The following SLC66A2 variants were observed in gnomAD, a reference collection of about 807,000 sequenced individuals.
SLC66A2 encodes the protein solute carrier family 66 member 2.
Under a neutral mutation model 25.5 loss-of-function variants are expected in SLC66A2, and 23 were observed. That is an observed-to-expected ratio of 0.90 (90% CI 0.65 to 1.28). The LOEUF (loss-of-function observed/expected upper bound fraction) is 1.28, where lower values mean the gene tolerates loss of function less well. Ranked by LOEUF, SLC66A2 falls within the 50% of genes most tolerant of loss-of-function variation. The pLI, the probability that SLC66A2 is intolerant of heterozygous loss-of-function variation, is 0.00. For synonymous variants in SLC66A2, 193 were observed against 166.5 expected (o/e 1.16, Z -1.23); for missense variants, 396 against 373.1 (o/e 1.06, Z -0.51).
intron 5 of SLC66A2, among the ~76,000 whole-genome samples, chr18:79,912,473 A>C (rs11661195): frequency 0.33 from 50,843 of 152,062 alleles, 10,012 homozygotes; most frequent in East Asian, 0.51. Context: ...AGTGCAGGGA[A>C]AGACGCCAAG....
chr18:79,938,866 C>T (rs1399429781), intron 3 of SLC66A2, among the ~76,000 whole-genome samples: 7 of 152,046 alleles, frequency 4.6e-5, no homozygotes, highest in Non-Finnish European at 4.4e-5. Context: ...TTAGTAGAGA[C>T]GGGGTTTCAC....
intron 5 of SLC66A2, among the ~76,000 whole-genome samples, chr18:79,910,760 C>T (rs577180557): frequency 3.3e-5 from 5 of 152,314 alleles, no homozygotes; most frequent in African/African-American, 9.6e-5. Flanking sequence ...TATGGCTGGG[C>T]GTGTTCCAGT....
At chr18:79,942,322 C>T (rs1032822913) in intron 3 of SLC66A2, among the ~76,000 whole-genome samples, 3 of 152,174 alleles carry the variant, frequency 2.0e-5, no homozygotes, top group African/African-American at 7.2e-5. Context: ...GTGGCCCCAA[C>T]GACACTAACT....
chr18:79,934,132 A>G lies in SLC66A2; in HGVS notation c.338-110T>C, dbSNP rs960818865. ...CCAGAACTTTTTGCATTTCTTTAAA[A>G]AAAAAAAAACAAACCAGAATAGAAA... On this transcript the variant is annotated intron_variant, in intron 3 of 5. Transcript: ENST00000397778. 35 of 840,384 alleles carry G rather than the reference A, an allele frequency of 4.2e-5. No homozygotes were observed. The East Asian group carries it at 6.9e-4, about 17-fold the overall frequency. The allele number at this position is 840,384 out of a possible 1,614,324, so 52.1% of individuals were successfully genotyped here.
At position 79,937,881 on chromosome 18, in the gene SLC66A2, A is replaced by G. The variant is rs1987259355; in HGVS notation, c.338-3859T>C. Among the ~76,000 whole-genome samples the G allele has an allele frequency of 6.6e-6, 1 of 152,206 alleles. No homozygotes were observed. Among genetic ancestry groups the G allele is most frequent in the South Asian group, 2.1e-4 (1 of 4,836 alleles). On this transcript the variant is annotated intron_variant, in intron 3 of 5. Transcript: ENST00000397778. This position sits in a 1 kb window ranked among gnomAD's most constrained non-coding sequence, Gnocchi z 5.4. Reference sequence around the variant, plus strand: ...CAAAACTCAGCCTGCAGGAGTACTCAGCAATCTTGTTAAAAATGCAGGTGG... The same window carrying G: ...CAAAACTCAGCCTGCAGGAGTACTCGGCAATCTTGTTAAAAATGCAGGTGG...
At chr18:79,923,314 T>C (rs1230991040) in intron 4 of SLC66A2, among the ~76,000 whole-genome samples, 1 of 123,708 alleles carries the variant, frequency 8.1e-6, no homozygotes, top group Non-Finnish European at 1.7e-5. Context: ...GATGGGTGGA[T>C]GGTGGACGGG....
intron 5 of SLC66A2, among the ~76,000 whole-genome samples, chr18:79,906,777 A>G (rs1982183304): frequency 6.6e-6 from 1 of 152,162 alleles, no homozygotes; most frequent in African/African-American, 2.4e-5. Flanking sequence ...GGAGTCCCTA[A>G]GTGCAACTGG....
At chr18:79,933,500 ATC>A (rs1309975040) in intron 4 of SLC66A2, among the ~76,000 whole-genome samples, 1 of 152,264 alleles carries the variant, frequency 6.6e-6, no homozygotes, top group African/African-American at 2.4e-5. Context: ...TATATAGAGA[ATC>A]TACTAAACAA....
At chr18:79,915,187 C>T (rs1983809256) in intron 5 of SLC66A2, among the ~76,000 whole-genome samples, 1 of 152,184 alleles carries the variant, frequency 6.6e-6, no homozygotes, top group Non-Finnish European at 1.5e-5. Flanking sequence ...TTATGTGTTC[C>T]AGTGGGAAAA....
At position 79,917,509 on chromosome 18, in the gene SLC66A2, C is replaced by T. The variant is rs539702546; in HGVS notation, c.608+1675G>A. The stretch of plus-strand genomic sequence containing the variant: ...AGATCTCCAGGTCGCAAGCTCGGCA[C>T]GCGGGCACTGCCCACAGGATCTCCA... On this transcript the variant is annotated intron_variant, in intron 5 of 5. Coordinates refer to ENST00000397778, the MANE Select transcript of SLC66A2 (RefSeq NM_025078.5). The surrounding 1 kb of genome is among the most constrained non-coding windows in gnomAD (Gnocchi z 6.0). 2.0e-5 allele frequency among the ~76,000 whole-genome samples: 3 copies of T among 152,264 alleles called. No homozygotes were observed. The highest frequency in any genetic ancestry group is 1.9e-4 in the East Asian group (1 of 5,164).
intron 2 of SLC66A2, among the ~76,000 whole-genome samples, chr18:79,945,777 A>G (rs563856398): frequency 6.6e-6 from 1 of 152,346 alleles, no homozygotes; most frequent in African/African-American, 2.4e-5. Flanking sequence ...CCTCTGCACT[A>G]TAAAGCACGA....
chr18:79,922,919 G>A (rs1016279423), intron 4 of SLC66A2, among the ~76,000 whole-genome samples: 1 of 151,484 alleles, frequency 6.6e-6, no homozygotes, highest in African/African-American at 2.4e-5. Flanking sequence ...GCTGCCTGTG[G>A]GGCTGGCAGT....
In SLC66A2 at chr18:79,941,233, G is replaced by A. The variant is rs529965204; in HGVS notation, c.337+2096C>T. ...TCGGGGGCTCTGCTGCCTGTAAAGCGACGGCCGACCCATGGCAGAGAGCCA... is the reference window on the plus strand; with the variant it reads ...TCGGGGGCTCTGCTGCCTGTAAAGCAACGGCCGACCCATGGCAGAGAGCCA... On this transcript the variant is annotated intron_variant, in intron 3 of 5. Coordinates refer to ENST00000397778, the MANE Select transcript of SLC66A2 (RefSeq NM_025078.5). This position sits in a 1 kb window ranked among gnomAD's most constrained non-coding sequence, Gnocchi z 4.1. Among the ~76,000 whole-genome samples the A allele has an allele frequency of 1.2e-4, 19 of 152,284 alleles. No individual in the cohort carries two copies. Among genetic ancestry groups the A allele is most frequent in the Non-Finnish European group, 2.1e-4 (14 of 68,014 alleles).
intron 3 of SLC66A2, 29 bp downstream of exon 3, chr18:79,943,300 G>C (rs375464237): frequency 4.3e-6 from 7 of 1,610,838 alleles, no homozygotes; most frequent in South Asian, 1.1e-5. Context: ...GATTCCCTGC[G>C]ACTTTATTCC....
At position 79,931,753 on chromosome 18, in the gene SLC66A2, C is replaced by T. The variant is rs77457128; in HGVS notation, c.391+2216G>A. Among the ~76,000 whole-genome samples the T allele has an allele frequency of 3.2e-4, 48 of 152,264 alleles. No individual in the cohort carries two copies. In the East Asian group the frequency reaches 7.7e-3, roughly 24 times the overall value. On this transcript the variant is annotated intron_variant, in intron 4 of 5. Coordinates refer to ENST00000397778, the MANE Select transcript of SLC66A2 (RefSeq NM_025078.5). ...TCTGGCTGGGCGTGGTTGCTCATGC[C>T]TATAATCCTAGCTCTTTGGGAGGCT...
At chr18:79,925,554 C>T (rs1315230168) in intron 4 of SLC66A2, among the ~76,000 whole-genome samples, 6 of 152,252 alleles carry the variant, frequency 3.9e-5, no homozygotes, top group Admixed American at 3.9e-4. Flanking sequence ...TCCTCAGAAG[C>T]TTCCGTCGCA....
chr18:79,924,629 C>A (rs1272104507), intron 4 of SLC66A2, among the ~76,000 whole-genome samples: 1 of 151,512 alleles, frequency 6.6e-6, no homozygotes, highest in East Asian at 1.9e-4. Context: ...TGTAAATTAT[C>A]TCTCTAATTT....
At chr18:79,911,615 G>C (rs766301282) in intron 5 of SLC66A2, among the ~76,000 whole-genome samples, 2 of 152,234 alleles carry the variant, frequency 1.3e-5, no homozygotes, top group Admixed American at 1.3e-4. Flanking sequence ...TGCTGGCTGC[G>C]GGGACATTCC....
At position 79,904,344 on chromosome 18, in the gene SLC66A2, G is replaced by A. The variant is rs1488311135; in HGVS notation, c.609-161C>T. ...AGTCGGCGGGGAGGCCTGGGGCTCAGGGGGCACCCAGGGGGTTGAGGGGAC... is the reference window on the plus strand; with the variant it reads ...AGTCGGCGGGGAGGCCTGGGGCTCAAGGGGCACCCAGGGGGTTGAGGGGAC... On this transcript the variant is annotated intron_variant, in intron 5 of 5. Transcript: ENST00000397778. The surrounding 1 kb of genome is among the most constrained non-coding windows in gnomAD (Gnocchi z 6.3). 6.6e-6 allele frequency among the ~76,000 whole-genome samples: 1 copy of A among 151,384 alleles called. No individual in the cohort carries two copies. The highest frequency in any genetic ancestry group is 1.5e-5 in the Non-Finnish European group (1 of 67,748).
Sources: allele counts gnomAD v4.1 joint callset (sites outside exome capture counted in the v4.1 genomes callset), GRCh38; gene constraint gnomAD v4.1.1; non-coding constraint Gnocchi (gnomAD v3.1); transcripts MANE v1.5; gene names NCBI Gene and HGNC (gene_info 2026-07-23, HGNC 2026-07-21).